The following PLEKHH1 variants were observed in gnomAD, a reference collection of about 807,000 sequenced individuals.
PLEKHH1 encodes the protein pleckstrin homology, MyTH4 and FERM domain containing H1.
In PLEKHH1, 104 loss-of-function variants were observed where a neutral mutation model predicts 160.0. That is an observed-to-expected ratio of 0.65 (90% CI 0.55 to 0.76). PLEKHH1 has a LOEUF of 0.76. Among genes scored for constraint, PLEKHH1 ranks in the 30% least tolerant of loss-of-function variants. The probability of loss-of-function intolerance (pLI) is 0.00; values close to 1 mark genes in which losing one functional copy is unlikely to be tolerated. For synonymous variants in PLEKHH1, 619 were observed against 678.4 expected (o/e 0.91, Z 1.36); for missense variants, 1,427 against 1,724.1 (o/e 0.83, Z 3.05).
Position 67,589,320 on chromosome 14 carries a change from T to A in PLEKHH1, c.*2085T>A. On this transcript the variant is annotated 3_prime_UTR_variant, in exon 29 of 29. Transcript: ENST00000329153. The stretch of plus-strand genomic sequence containing the variant: ...ACTTAGAAACAAAGGATTCAATATT[T>A]GCTTATTTATTCTTTGTTAACATGA... 2 of 977,058 alleles carry A rather than the reference T, an allele frequency of 2.0e-6. No individual in the cohort carries two copies. Among genetic ancestry groups the A allele is most frequent in the Non-Finnish European group, 2.4e-6 (2 of 822,320 alleles). 60.5% of individuals were successfully genotyped at this position (977,058 alleles called of 1,614,324 possible). A position where few individuals can be genotyped will look rare whatever the true frequency, so the allele number is the denominator to read the frequency against.
Position 67,573,157 on chromosome 14 carries a change from A to G in PLEKHH1, c.1729-119A>G, listed in dbSNP as rs191110517. On this transcript the variant is annotated intron_variant, in intron 11 of 28. Coordinates refer to ENST00000329153, the MANE Select transcript of PLEKHH1 (RefSeq NM_020715.3). The surrounding 1 kb of genome is among the most constrained non-coding windows in gnomAD (Gnocchi z 4.8). ...TGAAAATACACTGAGTAGGTACTCAATAATTTTGTATTTAATTGATGACCG... is the reference window on the plus strand; with the variant it reads ...TGAAAATACACTGAGTAGGTACTCAGTAATTTTGTATTTAATTGATGACCG... 7.6e-6 allele frequency: 5 copies of G among 657,078 alleles called. No individual in the cohort carries two copies. The East Asian group carries it at 1.1e-4, about 14-fold the overall frequency. The allele number at this position is 657,078 out of a possible 1,614,324, so 40.7% of individuals were successfully genotyped here.
chr14:67,546,341 A>AT (rs1191049429), intron 2 of PLEKHH1, among the ~76,000 whole-genome samples: 2 of 152,198 alleles, frequency 1.3e-5, no homozygotes, highest in African/African-American at 4.8e-5. Flanking sequence ...GTTTTTTGGG[A>AT]TTTTTTTAAG....
At position 67,582,486 on chromosome 14, in the gene PLEKHH1, A is replaced by G. The variant is rs999863771; in HGVS notation, c.3426+276A>G. Among the ~76,000 whole-genome samples the G allele has an allele frequency of 2.0e-5, 3 of 152,042 alleles. No homozygotes were observed. Among genetic ancestry groups the G allele is most frequent in the African/African-American group, 7.2e-5 (3 of 41,400 alleles). On this transcript the variant is annotated intron_variant, in intron 24 of 28. Coordinates refer to ENST00000329153, the MANE Select transcript of PLEKHH1 (RefSeq NM_020715.3). This position sits in a 1 kb window ranked among gnomAD's most constrained non-coding sequence, Gnocchi z 5.0. ...TATGAGGTCTTAGCCAAGTCACTTC[A>G]CTTCTCTATGCTTTAGTTTCCTTCT...
intron 7 of PLEKHH1, among the ~76,000 whole-genome samples, chr14:67,566,702 T>C (rs2035108715): frequency 6.7e-6 from 1 of 149,490 alleles, no homozygotes; most frequent in African/African-American, 2.5e-5. Flanking sequence ...TGAGTCAAGA[T>C]CTTGCCACTG....
chr14:67,579,351 C>T (rs904506007), intron 21 of PLEKHH1, 40 bp downstream of exon 21: 19 of 1,422,798 alleles, frequency 1.3e-5, no homozygotes, highest in African/African-American at 7.2e-5. Flanking sequence ...AGTCTTCTCA[C>T]GTCACCATCC....
intron 10 of PLEKHH1, 51 bp downstream of exon 10, chr14:67,571,953 C>T (rs1233046401): frequency 1.3e-6 from 2 of 1,556,212 alleles, no homozygotes; most frequent in African/African-American, 2.7e-5. Flanking sequence ...AGCCCCTCAC[C>T]TCTTCCCATG....
In PLEKHH1 at chr14:67,561,985, A is replaced by G; in HGVS notation, c.455A>G (p.His152Arg). The change falls in exon 6 of 29, where the codon CAT (histidine) becomes CGT (arginine). Residue 152 changes from histidine (H) to arginine (R), a missense_variant. Physicochemically the swap from His to Arg is conservative, Grantham distance 29 (BLOSUM62 0). Coordinates refer to ENST00000329153, the MANE Select transcript of PLEKHH1 (RefSeq NM_020715.3). Reference sequence around the variant, plus strand: ...ATGGAGAATCAGCATCTGAAAAGCCATAATCAGCGCCTGGTGGAGCAGGTG... The same window carrying G: ...ATGGAGAATCAGCATCTGAAAAGCCGTAATCAGCGCCTGGTGGAGCAGGTG... ...LEMENQHLKSHNQRLVEQVGS... is the reference protein window; with the variant it reads ...LEMENQHLKSRNQRLVEQVGS... The G allele has an allele frequency of 6.2e-7, 1 of 1,613,908 alleles. No homozygotes were observed. Among genetic ancestry groups the G allele is most frequent in the Non-Finnish European group, 8.5e-7 (1 of 1,179,840 alleles).
chr14:67,558,316 G>A (rs936587085), intron 4 of PLEKHH1, among the ~76,000 whole-genome samples: 3 of 152,148 alleles, frequency 2.0e-5, no homozygotes, highest in Admixed American at 6.5e-5. Flanking sequence ...AGGAGAAGCC[G>A]ATCCTGGTGG....
chr14:67,570,889 A>C (rs2035341060), intron 9 of PLEKHH1: 2 of 152,034 alleles, frequency 1.3e-5, no homozygotes, highest in African/African-American at 4.8e-5. Context: ...ATGCCCAGCT[A>C]ATTTTTGTAT....
At position 67,574,591 on chromosome 14, in the gene PLEKHH1, C is replaced by T. The variant is rs1301862288; in HGVS notation, c.2088+188C>T. Among the ~76,000 whole-genome samples, 2 of 152,152 alleles carry T rather than the reference C, an allele frequency of 1.3e-5. No individual in the cohort carries two copies. The highest frequency in any genetic ancestry group is 6.5e-5 in the Admixed American group (1 of 15,284). ...CACAAGGTGATGGCGAGTGATTCCC[C>T]GGAAACAAATCAGGGTTGTTGGAAC... On this transcript the variant is annotated intron_variant, in intron 14 of 28. Transcript: ENST00000329153. This position sits in a 1 kb window ranked among gnomAD's most constrained non-coding sequence, Gnocchi z 4.2.
At chr14:67,580,607 A>G (rs1305051861) in intron 22 of PLEKHH1, among the ~76,000 whole-genome samples, 1 of 152,206 alleles carries the variant, frequency 6.6e-6, no homozygotes, top group Non-Finnish European at 1.5e-5. Context: ...TATTTGTTGA[A>G]GAGGAGAATA....
chr14:67,588,840 T>C lies in PLEKHH1; in HGVS notation c.*1605T>C, dbSNP rs978795874. ...TAGTTTATCTGAACACCTCAGCTGCTGTAAGCTTCTCCTCTCTCACCCCGT... is the reference window on the plus strand; with the variant it reads ...TAGTTTATCTGAACACCTCAGCTGCCGTAAGCTTCTCCTCTCTCACCCCGT... On this transcript the variant is annotated 3_prime_UTR_variant, in exon 29 of 29. Transcript: ENST00000329153. The C allele has an allele frequency of 6.6e-6, 1 of 152,624 alleles. No homozygotes were observed. 9.5% of individuals were successfully genotyped at this position (152,624 alleles called of 1,614,324 possible).
chr14:67,585,171 C>G (rs1053227196), intron 26 of PLEKHH1: 4 of 171,398 alleles, frequency 2.3e-5, no homozygotes, highest in Non-Finnish European at 3.7e-5. Context: ...GGCTTGGAGA[C>G]TATAGGTGGA....
intron 7 of PLEKHH1, among the ~76,000 whole-genome samples, chr14:67,564,589 C>G (rs534424666): frequency 1.3e-5 from 2 of 152,208 alleles, no homozygotes; most frequent in East Asian, 3.9e-4. Context: ...TTCTAAGTAG[C>G]TGGGACTACA....
rs111704361 is a variant in PLEKHH1, at chr14:67,571,603, A to G, written c.1435-149A>G. The G allele has an allele frequency of 1.7e-3, 1,187 of 684,278 alleles. 16 individuals carry two copies. The African/African-American group carries it at 0.019, about 11-fold the overall frequency. The allele number at this position is 684,278 out of a possible 1,614,324, so 42.4% of individuals were successfully genotyped here. A position where few individuals can be genotyped will look rare whatever the true frequency, so the allele number is the denominator to read the frequency against. The stretch of plus-strand genomic sequence containing the variant: ...GTCATGACACAGGAGTGAGGCCAGG[A>G]GGGACCTTACACTGGACAGTTGTCT... On this transcript the variant is annotated intron_variant, in intron 9 of 28. Coordinates refer to ENST00000329153, the MANE Select transcript of PLEKHH1 (RefSeq NM_020715.3).
intron 2 of PLEKHH1, among the ~76,000 whole-genome samples, chr14:67,548,060 A>G (rs1013719296): frequency 1.3e-5 from 2 of 152,072 alleles, no homozygotes; most frequent in Non-Finnish European, 2.9e-5. Context: ...ATGACTTGAG[A>G]TTCACATCTC....
intron 2 of PLEKHH1, among the ~76,000 whole-genome samples, chr14:67,554,010 TGG>T (rs2034496694): frequency 2.6e-5 from 4 of 152,186 alleles, no homozygotes; most frequent in Admixed American, 2.6e-4. Flanking sequence ...TTGTCCCATA[TGG>T]GTTGTAAGTC....
intron 26 of PLEKHH1, among the ~76,000 whole-genome samples, chr14:67,584,728 A>G (rs142353307): frequency 6.6e-6 from 1 of 152,362 alleles, no homozygotes; most frequent in Non-Finnish European, 1.5e-5. Context: ...TGAGGTTATA[A>G]GAAGTGAGAA....
chr14:67,580,914 ACTTT>A lies in PLEKHH1; in HGVS notation c.3184-20_3184-17del. 1 of 1,512,892 alleles carries A rather than the reference ACTTT, an allele frequency of 6.6e-7. No individual in the cohort carries two copies. 93.7% of individuals were successfully genotyped at this position (1,512,892 alleles called of 1,614,324 possible). A position where few individuals can be genotyped will look rare whatever the true frequency, so the allele number is the denominator to read the frequency against. Reference sequence around the variant, plus strand: ...TCTCTCCTTATCAGGAAATTTTCTGACTTTCTTCTTTTGCCTTTTCAAGATCTGT... The same window carrying A: ...TCTCTCCTTATCAGGAAATTTTCTGACTTCTTTTGCCTTTTCAAGATCTGT... On this transcript the variant is annotated intron_variant, in intron 22 of 28. Coordinates refer to ENST00000329153, the MANE Select transcript of PLEKHH1 (RefSeq NM_020715.3).
Sources: allele counts gnomAD v4.1 joint callset (sites outside exome capture counted in the v4.1 genomes callset), GRCh38; gene constraint gnomAD v4.1.1; non-coding constraint Gnocchi (gnomAD v3.1); transcripts MANE v1.5; gene names NCBI Gene and HGNC (gene_info 2026-07-23, HGNC 2026-07-21).